Variants in CYRIB observed in about 807,000 individuals in gnomAD.
CYRIB encodes CYFIP related Rac1 interactor B, also known as CYFIP-related Rac1 interactor B.
CYRIB carries 8 observed loss-of-function variants against 44.2 expected under a neutral mutation model. The observed-to-expected ratio is 0.18, with a 90% CI of 0.11 to 0.33. CYRIB has a LOEUF of 0.33. Among genes scored for constraint, CYRIB ranks in the 10% least tolerant of loss-of-function variants. The pLI, the probability that CYRIB is intolerant of heterozygous loss-of-function variation, is 1.00. For synonymous variants in CYRIB, 131 were observed against 127.2 expected, an observed-to-expected ratio of 1.03 and a Z score of -0.20; for missense variants, 185 against 382.8, an observed-to-expected ratio of 0.48 and a Z score of 4.31.
chr8:129,903,843 T>G (rs1191326559), intron 1 of CYRIB, among the ~76,000 whole-genome samples: 1 of 152,220 alleles, frequency 6.6e-6, no homozygotes, highest in Non-Finnish European at 1.5e-5. Flanking sequence ...ACCTATTATT[T>G]GCCAGGGACA....
intron 1 of CYRIB, among the ~76,000 whole-genome samples, chr8:129,926,560 T>C (rs1353694436): frequency 1.3e-5 from 2 of 152,134 alleles, no homozygotes; most frequent in Non-Finnish European, 2.9e-5. Flanking sequence ...AAAATCATAC[T>C]ACAAGAAAAA....
At chr8:129,859,027 C>T (rs2047753816) in intron 5 of CYRIB, among the ~76,000 whole-genome samples, 1 of 152,142 alleles carries the variant, frequency 6.6e-6, no homozygotes, top group Non-Finnish European at 1.5e-5. Flanking sequence ...CCCGGGGGAC[C>T]ACTACCACCA....
chr8:129,899,779 A>G (rs968631483), intron 2 of CYRIB, among the ~76,000 whole-genome samples: 2 of 152,260 alleles, frequency 1.3e-5, no homozygotes, highest in African/African-American at 4.8e-5. Context: ...ACAAAGATCA[A>G]TAACAAGGGT....
At chr8:129,981,647 G>A (rs2096243831) in intron 1 of CYRIB, among the ~76,000 whole-genome samples, 1 of 152,104 alleles carries the variant, frequency 6.6e-6, no homozygotes, top group South Asian at 2.1e-4. Context: ...TTATTTCTGG[G>A]TATCTGGTCC....
intron 2 of CYRIB, among the ~76,000 whole-genome samples, chr8:129,887,326 T>C (rs572161370): frequency 1.3e-5 from 2 of 152,300 alleles, no homozygotes; most frequent in East Asian, 3.9e-4. Flanking sequence ...GGCCTGCAGG[T>C]GTGCAGACAG....
chr8:129,887,748 A>G lies in CYRIB; in HGVS notation c.-10-8277T>C, dbSNP rs78940794. On this transcript the variant is annotated intron_variant, in intron 2 of 11. Transcript: ENST00000519824. ...AAGGAGATTATTTTGGAGCTTTAAG[A>G]TTGAACAACTGCCCTGCTAGGTTTC... 8.3e-3 allele frequency among the ~76,000 whole-genome samples: 1,257 copies of G among 152,314 alleles called. 20 individuals carry two copies. Among genetic ancestry groups the G allele is most frequent in the African/African-American group, 0.029 (1,212 of 41,564 alleles).
intron 1 of CYRIB, among the ~76,000 whole-genome samples, chr8:129,986,655 C>T (rs1591805812): frequency 1.3e-5 from 2 of 152,272 alleles, no homozygotes; most frequent in South Asian, 2.1e-4. Flanking sequence ...TGCACAGCCT[C>T]GGGAATTTGC....
At chr8:129,844,757 G>A (rs757754395) in intron 11 of CYRIB, among the ~76,000 whole-genome samples, 5 of 152,280 alleles carry the variant, frequency 3.3e-5, no homozygotes, top group Non-Finnish European at 7.3e-5. Flanking sequence ...GTTCTATTTT[G>A]TGGAGGTGTG....
chr8:130,009,848 C>A (rs1451251522), intron 1 of CYRIB, among the ~76,000 whole-genome samples: 1 of 152,202 alleles, frequency 6.6e-6, no homozygotes, highest in East Asian at 1.9e-4. Flanking sequence ...CAAGGTCATG[C>A]AGCGCTGAGA....
intron 4 of CYRIB, among the ~76,000 whole-genome samples, chr8:129,863,813 T>C (rs962005431): frequency 6.6e-6 from 1 of 152,222 alleles, no homozygotes; most frequent in South Asian, 2.1e-4. Context: ...CCATAGATGT[T>C]TTTTGTACTC....
At chr8:129,962,351 G>A (rs533438121) in intron 2 of CYRIB, among the ~76,000 whole-genome samples, 1 of 152,270 alleles carries the variant, frequency 6.6e-6, no homozygotes, top group Admixed American at 6.5e-5. Flanking sequence ...AGGGAGGCAG[G>A]ATGATTGCTT....
intron 2 of CYRIB, among the ~76,000 whole-genome samples, chr8:129,965,592 C>T (rs1021359536): frequency 2.6e-5 from 4 of 151,750 alleles, no homozygotes; most frequent in African/African-American, 4.8e-5. Flanking sequence ...GTCAGGAGAT[C>T]GAGACCGTCC....
chr8:129,970,215 C>G (rs528447184), intron 2 of CYRIB, among the ~76,000 whole-genome samples: 163 of 152,188 alleles, frequency 1.1e-3, no homozygotes, highest in Middle Eastern at 0.01. Flanking sequence ...AATGGCTGTA[C>G]AGTATTTTGC....
At chr8:129,923,488 T>G (rs1361519325) in intron 1 of CYRIB, among the ~76,000 whole-genome samples, 2 of 152,064 alleles carry the variant, frequency 1.3e-5, no homozygotes, top group African/African-American at 4.8e-5. Flanking sequence ...TTGGCCTGGC[T>G]GGTCTCAAAC....
chr8:129,890,309 T>C (rs2064710057), intron 2 of CYRIB, among the ~76,000 whole-genome samples: 2 of 152,114 alleles, frequency 1.3e-5, no homozygotes, highest in South Asian at 2.1e-4. Context: ...TTTTAAGAAA[T>C]TGCACAGCCA....
intron 2 of CYRIB, among the ~76,000 whole-genome samples, chr8:129,882,560 A>G (rs967619066): frequency 1.3e-5 from 2 of 152,222 alleles, no homozygotes; most frequent in African/African-American, 4.8e-5. Context: ...TATCAAGAAT[A>G]TTGCTGAAAT....
intron 1 of CYRIB, among the ~76,000 whole-genome samples, chr8:129,992,394 C>G (rs1268734821): frequency 6.6e-6 from 1 of 152,106 alleles, no homozygotes; most frequent in Non-Finnish European, 1.5e-5. Context: ...AGGACCCTGC[C>G]CACTTGTCAG....
At position 129,938,223 on chromosome 8, in the gene CYRIB, C is replaced by T. The variant is rs981638226; in HGVS notation, c.-50+1385G>A. On this transcript the variant is annotated intron_variant, in intron 1 of 11. Coordinates refer to ENST00000519824, the Ensembl canonical transcript of CYRIB. ...AGGCTATCAAATAAACCCCAGTTATCAAGCAGTTCTAGACACAAAGCTTCT... is the reference window on the plus strand; with the variant it reads ...AGGCTATCAAATAAACCCCAGTTATTAAGCAGTTCTAGACACAAAGCTTCT... Among the ~76,000 whole-genome samples the T allele has an allele frequency of 2.6e-5, 4 of 152,260 alleles. 1 individual carries two copies. In the East Asian group the frequency reaches 5.8e-4, roughly 22 times the overall value.
Position 129,871,374 on chromosome 8 carries a change from C to T in CYRIB, c.195+1G>A, listed in dbSNP as rs2057143080. ...CTAGAAAATACATAAATGCGCTTTA[C>T]CTCTCGTATTTCGTGGCCAGCTCCT... is the stretch of plus-strand genomic sequence containing the variant. On this transcript the variant is annotated splice_donor_variant, in intron 4 of 11. Coordinates refer to ENST00000519824, the Ensembl canonical transcript of CYRIB. LOFTEE classifies it high-confidence loss of function. 6.2e-7 allele frequency: 1 copy of T among 1,602,662 alleles called. No individual in the cohort carries two copies. The highest frequency in any genetic ancestry group is 1.3e-5 in the African/African-American group (1 of 74,322).
Sources: gnomAD v4.1 joint callset for allele counts (sites outside exome capture counted in the v4.1 genomes callset) on GRCh38, gnomAD v4.1.1 for gene constraint, MANE v1.5 for transcripts, NCBI Gene and HGNC (gene_info 2026-07-23, HGNC 2026-07-21) for gene names.